The following NFIC variants were observed in gnomAD, a reference collection of about 807,000 sequenced individuals.
The protein encoded by NFIC is nuclear factor I C, also known as nuclear factor 1 C-type.
NFIC carries 12 observed loss-of-function variants against 54.4 expected under a neutral mutation model. The observed-to-expected ratio is 0.22, with a 90% CI of 0.14 to 0.36. The LOEUF (loss-of-function observed/expected upper bound fraction) is 0.36, where lower values mean the gene tolerates loss of function less well. NFIC is among the 10% of genes least tolerant of loss of function. The pLI is 1.00. For missense variants in NFIC, 575 were observed against 718.2 expected, an observed-to-expected ratio of 0.80 and a Z score of 2.28; for synonymous variants, 322 against 319.2, an observed-to-expected ratio of 1.01 and a Z score of -0.09.
At chr19:3,391,053 C>T (rs2145502284) in intron 2 of NFIC, among the ~76,000 whole-genome samples, 1 of 152,182 alleles carries the variant, frequency 6.6e-6, no homozygotes, top group South Asian at 2.1e-4. Flanking sequence ...AGTTCGAGAC[C>T]AGCCTGGGCA....
At chr19:3,443,126 G>A (rs59203973) in intron 6 of NFIC, among the ~76,000 whole-genome samples, 12,549 of 152,230 alleles carry the variant, frequency 0.082, 645 homozygotes, top group African/African-American at 0.15. Context: ...TGAGAAACCT[G>A]TATTAATTAT....
At chr19:3,448,634 T>C (rs1470014310) in intron 6 of NFIC, among the ~76,000 whole-genome samples, 1 of 152,178 alleles carries the variant, frequency 6.6e-6, no homozygotes, top group African/African-American at 2.4e-5. Flanking sequence ...AGGGTCTAAC[T>C]GGACTTCGGA....
intron 6 of NFIC, among the ~76,000 whole-genome samples, chr19:3,441,720 C>A (rs536419177): frequency 8.2e-4 from 125 of 152,170 alleles, no homozygotes; most frequent in Non-Finnish European, 9.9e-4. Context: ...GCTGGGGGCA[C>A]GGGGAGGGCC....
chr19:3,429,296 T>A (rs1320911305), intron 3 of NFIC, among the ~76,000 whole-genome samples: 24 of 70,392 alleles, frequency 3.4e-4, no homozygotes, highest in South Asian at 9.1e-4. Context: ...ACACACACAC[T>A]AGCCAAACAC....
At position 3,459,054 on chromosome 19, in the gene NFIC, C is replaced by G. The variant is rs978703059; in HGVS notation, c.1509+2419C>G. The stretch of plus-strand genomic sequence containing the variant: ...AGAAGCAGTGAGATCCCGCTCTCCC[C>G]TCTCCCAGCTCCCGCTCAAAGGGCC... On this transcript the variant is annotated intron_variant, in intron 10 of 10. Transcript: ENST00000443272. The surrounding 1 kb of genome is among the most constrained non-coding windows in gnomAD (Gnocchi z 4.2). Among the ~76,000 whole-genome samples the G allele has an allele frequency of 2.0e-5, 3 of 152,116 alleles. No individual in the cohort carries two copies. Among genetic ancestry groups the G allele is most frequent in the Non-Finnish European group, 1.5e-5 (1 of 67,998 alleles).
intron 3 of NFIC, 149 bp from the exon 4 acceptor site, chr19:3,433,369 G>A (rs2082151213): frequency 2.7e-6 from 2 of 752,874 alleles, no homozygotes; most frequent in African/African-American, 3.4e-5. Flanking sequence ...TTCCCCATCA[G>A]ACTGGAGCTG....
chr19:3,395,316 AC>A (rs1200535484), intron 2 of NFIC, among the ~76,000 whole-genome samples: 3 of 151,772 alleles, frequency 2.0e-5, no homozygotes, highest in Non-Finnish European at 4.4e-5. Flanking sequence ...CAGAGATCGC[AC>A]CACTGTACTC....
intron 2 of NFIC, among the ~76,000 whole-genome samples, chr19:3,384,809 G>C (rs1368520180): frequency 6.6e-6 from 1 of 152,070 alleles, no homozygotes; most frequent in Non-Finnish European, 1.5e-5. Context: ...GGGACGGTGG[G>C]GGCAGAGAGG....
intron 3 of NFIC, among the ~76,000 whole-genome samples, chr19:3,432,536 C>T (rs1196706737): frequency 2.0e-5 from 3 of 152,020 alleles, no homozygotes; most frequent in Non-Finnish European, 2.9e-5. Context: ...ACGACAACCC[C>T]GATGATGGGA....
intron 2 of NFIC, among the ~76,000 whole-genome samples, chr19:3,389,178 C>T (rs530220528): frequency 1.2e-4 from 18 of 152,268 alleles, no homozygotes; most frequent in African/African-American, 4.3e-4. Flanking sequence ...ATGAGGTGAA[C>T]CCTATGGAAG....
Position 3,452,762 on chromosome 19 carries a change from A to C in NFIC, c.1269+96A>C. ...CACGAAGGCACAACCTCTGCTTAAA[A>C]GGGTCTTGAGGACTTGGCTCTGAAG... On this transcript the variant is annotated intron_variant, in intron 8 of 10. Transcript: ENST00000443272. This position sits in a 1 kb window ranked among gnomAD's most constrained non-coding sequence, Gnocchi z 5.3. 2 of 1,415,372 alleles carry C rather than the reference A, an allele frequency of 1.4e-6. No individual in the cohort carries two copies. Among genetic ancestry groups the C allele is most frequent in the Admixed American group, 2.3e-5 (1 of 43,840 alleles). The allele number at this position is 1,415,372 out of a possible 1,614,324, so 87.7% of individuals were successfully genotyped here.
Position 3,435,159 on chromosome 19 carries a change from A to C in NFIC, c.910A>C (p.Ser304Arg). 12 of 1,605,760 alleles carry C rather than the reference A, an allele frequency of 7.5e-6. No homozygotes were observed. Among genetic ancestry groups the C allele is most frequent in the Non-Finnish European group, 1.0e-5 (12 of 1,177,052 alleles). ...TGGCGGCGATTACTACACTTCGCCC[A>C]GCTCGCCCACGAGTAGCAGCCGCAA... ...SPGGDYYTSP[S>R]SPTSSSRNWT... Residue 304 changes from serine to arginine, a missense_variant, in exon 6 of 11, where the codon AGC (serine) becomes CGC (arginine). By Grantham distance (110) the Ser-to-Arg change is moderately radical. Transcript: ENST00000443272.
At chr19:3,455,838 G>A (rs1285655417) in intron 9 of NFIC, among the ~76,000 whole-genome samples, 1 of 152,124 alleles carries the variant, frequency 6.6e-6, no homozygotes, top group Non-Finnish European at 1.5e-5. Context: ...TGCAGGATAG[G>A]CATGGATTCC....
chr19:3,386,890 G>A (rs1450791040), intron 2 of NFIC, among the ~76,000 whole-genome samples: 3 of 152,204 alleles, frequency 2.0e-5, no homozygotes, highest in East Asian at 1.9e-4. Context: ...GTCTTATGTA[G>A]GGTCCCCAGG....
chr19:3,417,050 A>AT (rs71164695), intron 2 of NFIC, among the ~76,000 whole-genome samples: 60,522 of 150,082 alleles, frequency 0.4, 14,530 homozygotes, highest in Non-Finnish European at 0.54. Flanking sequence ...GGCCCAGCTA[A>AT]TTTTTTTTGT....
chr19:3,454,204 C>G (rs182998419), intron 9 of NFIC: 2 of 1,230,608 alleles, frequency 1.6e-6, no homozygotes, highest in African/African-American at 1.6e-5. Flanking sequence ...CCGTCAGAAA[C>G]CCTCCCTGGT....
At chr19:3,425,283 G>C in intron 3 of NFIC, 106 bp downstream of exon 3, 1 of 1,337,220 alleles carries the variant, frequency 7.5e-7, no homozygotes, top group Non-Finnish European at 1.0e-6. Context: ...CAGATGAGCA[G>C]ACTGAGGCTC....
At chr19:3,400,208 G>A (rs916062192) in intron 2 of NFIC, among the ~76,000 whole-genome samples, 1 of 151,852 alleles carries the variant, frequency 6.6e-6, no homozygotes, top group African/African-American at 2.4e-5. Flanking sequence ...AGGCACGGTG[G>A]CTCACACCTG....
chr19:3,449,166 AG>A (rs760737982), intron 7 of NFIC, 27 bp downstream of exon 7: 4 of 1,601,430 alleles, frequency 2.5e-6, no homozygotes, highest in Non-Finnish European at 3.4e-6. Flanking sequence ...CCTGGCGGGG[AG>A]GGGCGGCGGG....
Sources: gnomAD v4.1 joint callset for allele counts (sites outside exome capture counted in the v4.1 genomes callset) on GRCh38, gnomAD v4.1.1 for gene constraint, Gnocchi (gnomAD v3.1) non-coding constraint, MANE v1.5 for transcripts, NCBI Gene and HGNC (gene_info 2026-07-23, HGNC 2026-07-21) for gene names.